Variants in KRT3 observed in about 807,000 individuals in gnomAD.
KRT3 encodes the protein keratin 3, also known as keratin, type II cytoskeletal 3.
KRT3 carries 34 observed loss-of-function variants against 45.8 expected under a neutral mutation model. That is an observed-to-expected ratio of 0.74 (90% CI 0.57 to 0.99). KRT3 has a LOEUF of 0.99. KRT3 is among the 50% of genes least tolerant of loss of function. The pLI, the probability that KRT3 is intolerant of heterozygous loss-of-function variation, is 0.00. For missense variants in KRT3, 828 were observed against 820.6 expected (o/e 1.01, Z -0.11); for synonymous variants, 367 against 329.0 (o/e 1.12, Z -1.25).
chr12:52,796,017 G>T lies in KRT3; in HGVS notation c.26C>A (p.Ser9Tyr). The T allele has an allele frequency of 1.2e-6, 2 of 1,613,698 alleles. No individual in the cohort carries two copies. Among genetic ancestry groups the T allele is most frequent in the Non-Finnish European group, 1.7e-6 (2 of 1,179,900 alleles). The stretch of plus-strand genomic sequence containing the variant: ...GGAGAAACCCTGGCTCCCGCCACCA[G>T]ATGTCTTGCTGGCTTGTCTGCTCAT... MSRQASKT[S>Y]GGGSQGFSGR... Residue 9 changes from serine to tyrosine, a missense_variant, in exon 1 of 9, where the codon TCT becomes TAT. By Grantham distance (144) the Ser-to-Tyr change is moderately radical (BLOSUM62 -2). Transcript: ENST00000417996.
At position 52,789,758 on chromosome 12, in the gene KRT3, T is replaced by C; in HGVS notation, c.*284A>G. ...CTGTGTGCTATATACATCAGAGCTG[T>C]AGTGAGCATCCCACCCAGGGAGGGG... is the stretch of plus-strand genomic sequence containing the variant. On this transcript the variant is annotated 3_prime_UTR_variant, in exon 9 of 9. Transcript: ENST00000417996. 1.7e-6 allele frequency: 1 copy of C among 592,886 alleles called. No individual in the cohort carries two copies. The highest frequency in any genetic ancestry group is 3.0e-6 in the Non-Finnish European group (1 of 333,274). 36.7% of individuals were successfully genotyped at this position (592,886 alleles called of 1,614,324 possible). A position where few individuals can be genotyped will look rare whatever the true frequency, so the allele number is the denominator to read the frequency against.
In KRT3 at chr12:52,792,754, G is replaced by T. The variant is rs1565678412; in HGVS notation, c.980C>A (p.Ala327Asp). 2 of 1,613,700 alleles carry T rather than the reference G, an allele frequency of 1.2e-6. No individual in the cohort carries two copies. The highest frequency in any genetic ancestry group is 1.7e-6 in the Non-Finnish European group (2 of 1,179,662). ...TAAGAAGTCGATCTCATCTATCAAG[G>T]CATCCACTTTGGCCTGAAGCTCCAC... ...NKVELQAKVD[A>D]LIDEIDFLRT... is the part of the protein sequence containing the mutation. The change falls in exon 4 of 9, where the codon GCC (alanine) becomes GAC (aspartate). Residue 327 changes from alanine to aspartate, a missense_variant. Physicochemically the swap from Ala to Asp is moderately radical, Grantham distance 126. Transcript: ENST00000417996.
At chr12:52,790,720 C>T in intron 8 of KRT3, 118 bp downstream of exon 8, 1 of 951,498 alleles carries the variant, frequency 1.1e-6, no homozygotes, top group Non-Finnish European at 1.7e-6. Context: ...TCCCTCTCCT[C>T]TCCCAGAAAA....
chr12:52,794,397 C>T, intron 1 of KRT3, 66 bp from the exon 2 acceptor site: 1 of 1,209,270 alleles, frequency 8.3e-7, no homozygotes. Flanking sequence ...GGCCTTCACT[C>T]AGGTAGGACT....
chr12:52,795,515 G>A lies in KRT3; in HGVS notation c.528C>T (p.Asn176=), dbSNP rs1197536748. 6.2e-7 allele frequency: 1 copy of A among 1,614,098 alleles called. No homozygotes were observed. The highest frequency in any genetic ancestry group is 2.2e-5 in the East Asian group (1 of 44,872). Residue 176 remains asparagine, a synonymous_variant, in exon 1 of 9, where the codon AAC becomes AAT. Coordinates refer to ENST00000417996, the MANE Select transcript of KRT3 (RefSeq NM_057088.3). The part of the protein sequence containing the change: ...FPGGIQEVTI[N]QSLLQPLNVE... ...CATTGAGGGGCTGCAGGAGACTCTG[G>A]TTGATAGTCACTTCCTGAATTCCCC...
intron 1 of KRT3, among the ~76,000 whole-genome samples, chr12:52,794,910 C>A (rs1309611545): frequency 6.6e-6 from 1 of 152,218 alleles, no homozygotes; most frequent in Non-Finnish European, 1.5e-5. Flanking sequence ...TTTCTCTGCG[C>A]TCCCTTGGGA....
At position 52,795,474 on chromosome 12, in the gene KRT3, T is replaced by C; in HGVS notation, c.569A>G (p.Gln190Arg). The C allele has an allele frequency of 1.2e-6, 2 of 1,614,004 alleles. No individual in the cohort carries two copies. Among genetic ancestry groups the C allele is most frequent in the South Asian group, 2.2e-5 (2 of 91,070 alleles). The stretch of plus-strand genomic sequence containing the variant: ...CTCCTGGGCCTTTACTTGCCCAATC[T>C]GGGGGTCGATCTCCACATTGAGGGG... ...LQPLNVEIDP[Q>R]IGQVKAQERE... Residue 190 changes from glutamine (Q) to arginine (R), a missense_variant, in exon 1 of 9, where the codon CAG (glutamine) becomes CGG (arginine). Transcript: ENST00000417996.
chr12:52,792,220 A>G lies in KRT3; in HGVS notation c.1188+19T>C. The stretch of plus-strand genomic sequence containing the variant: ...TCTGAAACCTCCAGTGGATCCCGTA[A>G]GAGGTGACTAGCACCCACCTTGGTC... On this transcript the variant is annotated intron_variant, in intron 5 of 8. Transcript: ENST00000417996. 6.2e-7 allele frequency: 1 copy of G among 1,609,160 alleles called. No individual in the cohort carries two copies. Among genetic ancestry groups the G allele is most frequent in the Non-Finnish European group, 8.5e-7 (1 of 1,175,908 alleles).
rs1939488568 is a variant in KRT3, at chr12:52,791,271, A to G, written c.1470T>C (p.Asn490=). ...TCTCCACGTCCAGGGCCAGCTTGAC[A>G]TTCATCAGCTCCTGGTAGTCACGTA... is the stretch of plus-strand genomic sequence containing the variant. ...RLLRDYQELM[N]VKLALDVEIA... is the part of the protein sequence containing the mutation. Residue 490 remains asparagine (N), a synonymous_variant, in exon 7 of 9, where the codon AAT becomes AAC. Coordinates refer to ENST00000417996, the MANE Select transcript of KRT3 (RefSeq NM_057088.3). 6.2e-7 allele frequency: 1 copy of G among 1,614,086 alleles called. No individual in the cohort carries two copies.
Position 52,795,565 on chromosome 12 carries a change from C to T in KRT3, c.478G>A (p.Gly160Ser). The change falls in exon 1 of 9, where the codon GGC (glycine) becomes AGC (serine). Residue 160 changes from glycine (G) to serine (S), a missense_variant. Coordinates refer to ENST00000417996, the MANE Select transcript of KRT3 (RefSeq NM_057088.3). ...GGPGSLGSPGGFGPGGFPGGI... is the reference protein window; with the variant it reads ...GGPGSLGSPGSFGPGGFPGGI... Reference sequence around the variant, plus strand: ...CCAGGAAAGCCCCCAGGGCCAAAGCCACCAGGACTGCCCAAGCTGCCAGGC... The same window carrying T: ...CCAGGAAAGCCCCCAGGGCCAAAGCTACCAGGACTGCCCAAGCTGCCAGGC... 6.2e-7 allele frequency: 1 copy of T among 1,611,668 alleles called. No individual in the cohort carries two copies. Among genetic ancestry groups the T allele is most frequent in the Non-Finnish European group, 8.5e-7 (1 of 1,178,734 alleles).
chr12:52,794,908 C>T (rs990767340), intron 1 of KRT3, among the ~76,000 whole-genome samples: 8 of 152,202 alleles, frequency 5.3e-5, no homozygotes, highest in African/African-American at 1.4e-4. Flanking sequence ...CATTTCTCTG[C>T]GCTCCCTTGG....
chr12:52,793,928 C>A (rs1425520093), intron 2 of KRT3, among the ~76,000 whole-genome samples, 183 bp downstream of exon 2: 1 of 152,202 alleles, frequency 6.6e-6, no homozygotes, highest in Admixed American at 6.5e-5. Context: ...ATTTGCAAAG[C>A]ACCATGCTTG....
At chr12:52,792,638 CA>C in intron 4 of KRT3, 72 bp downstream of exon 4, 1 of 1,198,818 alleles carries the variant, frequency 8.3e-7, no homozygotes, top group Non-Finnish European at 1.2e-6. Flanking sequence ...GCCTATATAC[CA>C]AAATGCACCA....
chr12:52,793,029 G>A (rs943776701), intron 3 of KRT3, 134 bp downstream of exon 3: 7 of 710,696 alleles, frequency 9.8e-6, no homozygotes, highest in African/African-American at 1.8e-5. Context: ...TCCAGACTAA[G>A]GTGCACCTGA....
chr12:52,793,606 T>G (rs1008094592), intron 2 of KRT3, among the ~76,000 whole-genome samples: 4 of 152,270 alleles, frequency 2.6e-5, no homozygotes, highest in East Asian at 3.9e-4. Flanking sequence ...TTTTGTTTTT[T>G]TTTTAGACAT....
chr12:52,790,746 T>TA (rs1198853040), intron 8 of KRT3, 92 bp downstream of exon 8: 4 of 1,174,546 alleles, frequency 3.4e-6, no homozygotes, highest in South Asian at 1.3e-5. Context: ...CCAACTTCCG[T>TA]AAAAATATGT....
Position 52,794,319 on chromosome 12 carries a change from C to G in KRT3, c.658G>C (p.Glu220Gln). The change falls in exon 2 of 9, where the codon GAG becomes CAG. Residue 220 changes from glutamate to glutamine, a missense_variant. Transcript: ENST00000417996. Reference protein sequence around the residue: ...ASFIDKVRFLEQQNKVLETKW... With the variant: ...ASFIDKVRFLQQQNKVLETKW... ...GTCTCCAGGACTTTGTTCTGTTGCT[C>G]CAGGAACCGCACCTGCAATGGTTGC... 3.1e-6 allele frequency: 5 copies of G among 1,613,646 alleles called. No individual in the cohort carries two copies. The highest frequency in any genetic ancestry group is 4.2e-6 in the Non-Finnish European group (5 of 1,179,848).
Position 52,795,697 on chromosome 12 carries a change from C to G in KRT3, c.346G>C (p.Gly116Arg), listed in dbSNP as rs1939625025. The G allele has an allele frequency of 3.7e-6, 6 of 1,611,806 alleles. No homozygotes were observed. In the South Asian group the frequency reaches 4.4e-5, roughly 12 times the overall value. The stretch of plus-strand genomic sequence containing the variant: ...CCACCAGCTCCACCAAAGCCACCTC[C>G]CATTCCTCTGCCACCACCAAAGCCA... ...GGGFGGGRGM[G>R]GGFGGAGGFG... The change falls in exon 1 of 9, where the codon GGA becomes CGA. Residue 116 changes from glycine to arginine, a missense_variant. Physicochemically the swap from Gly to Arg is moderately radical, Grantham distance 125 (BLOSUM62 -2). Coordinates refer to ENST00000417996, the MANE Select transcript of KRT3 (RefSeq NM_057088.3).
Position 52,795,875 on chromosome 12 carries a change from G to T in KRT3, c.168C>A (p.Ser56Arg), listed in dbSNP as rs780288321. The part of the protein sequence containing the change: ...RSGAGGFGSR[S>R]LYNLGGNKSI... ...TCTTGTTGCCGCCCAGGTTGTAGAGGCTGCGACTGCCAAAGCCACCTGCTC... is the reference window on the plus strand; with the variant it reads ...TCTTGTTGCCGCCCAGGTTGTAGAGTCTGCGACTGCCAAAGCCACCTGCTC... Residue 56 changes from serine to arginine, a missense_variant, in exon 1 of 9, where the codon AGC (serine) becomes AGA (arginine). Coordinates refer to ENST00000417996, the MANE Select transcript of KRT3 (RefSeq NM_057088.3). 5 of 1,613,882 alleles carry T rather than the reference G, an allele frequency of 3.1e-6. No individual in the cohort carries two copies. The South Asian group carries it at 3.3e-5, about 11-fold the overall frequency.
Sources: allele counts gnomAD v4.1 joint callset (sites outside exome capture counted in the v4.1 genomes callset), GRCh38; gene constraint gnomAD v4.1.1; transcripts MANE v1.5; gene names NCBI Gene and HGNC (gene_info 2026-07-23, HGNC 2026-07-21).